KLHL1: variants seen among roughly 807,000 people sequenced by gnomAD.
The protein encoded by KLHL1 is kelch-like protein 1.
In KLHL1, 47 loss-of-function variants were observed where a neutral mutation model predicts 77.7. The ratio of observed to expected loss-of-function variants is 0.60; its 90% CI spans 0.48 to 0.77. The LOEUF (loss-of-function observed/expected upper bound fraction) is 0.77, where lower values mean the gene tolerates loss of function less well. Among genes scored for constraint, KLHL1 ranks in the 30% least tolerant of loss-of-function variants. KLHL1 has a pLI of 0.00. For missense variants in KLHL1, 925 were observed against 910.8 expected, an observed-to-expected ratio of 1.02 and a Z score of -0.20; for synonymous variants, 360 against 325.2, an observed-to-expected ratio of 1.11 and a Z score of -1.15.
chr13:69,771,170 T>G (rs192217372), intron 7 of KLHL1, among the ~76,000 whole-genome samples: 1 of 152,148 alleles, frequency 6.6e-6, no homozygotes, highest in East Asian at 1.9e-4. Context: ...TATCTTCACC[T>G]TAATCTGAGT....
intron 4 of KLHL1, among the ~76,000 whole-genome samples, chr13:69,916,411 TA>T (rs1279216465): frequency 6.6e-6 from 1 of 151,910 alleles, no homozygotes; most frequent in Non-Finnish European, 1.5e-5. Flanking sequence ...TATGCAGCCA[TA>T]AAAAATGATG....
intron 1 of KLHL1, among the ~76,000 whole-genome samples, chr13:70,030,714 G>A (rs1404038685): frequency 6.6e-6 from 1 of 152,086 alleles, no homozygotes; most frequent in Admixed American, 6.5e-5. Context: ...ACATTCAAAA[G>A]CTAGCAGAAG....
intron 4 of KLHL1, among the ~76,000 whole-genome samples, chr13:69,901,303 T>C (rs1009530409): frequency 6.6e-6 from 1 of 152,246 alleles, no homozygotes; most frequent in Non-Finnish European, 1.5e-5. Context: ...TAACTAATAT[T>C]TATTTTACTG....
In KLHL1 at chr13:69,789,008, T is replaced by G. The variant is rs543437848; in HGVS notation, c.1639+7730A>C. ...CAGGAGAAAAAGATAAACACTGGAC[T>G]CCACAGGACTCTATCTATCTATCTA... On this transcript the variant is annotated intron_variant, in intron 7 of 10. Coordinates refer to ENST00000377844, the MANE Select transcript of KLHL1 (RefSeq NM_020866.3). Among the ~76,000 whole-genome samples the G allele has an allele frequency of 1.7e-4, 25 of 147,800 alleles. No individual in the cohort carries two copies. In the South Asian group the frequency reaches 5.5e-3, roughly 32 times the overall value.
intron 2 of KLHL1, among the ~76,000 whole-genome samples, chr13:69,966,456 T>C (rs1249961683): frequency 1.3e-5 from 2 of 152,168 alleles, no homozygotes; most frequent in African/African-American, 2.4e-5. Context: ...TCATTGACAA[T>C]GTTCCTGGTT....
chr13:70,043,089 G>A (rs1886415229), intron 1 of KLHL1, among the ~76,000 whole-genome samples: 3 of 152,084 alleles, frequency 2.0e-5, no homozygotes, highest in Non-Finnish European at 4.4e-5. Flanking sequence ...ATATTTAGTG[G>A]AGACTGGGTT....
In KLHL1 at chr13:70,092,897, C is replaced by T. The variant is rs535303129; in HGVS notation, c.497+14306G>A. On this transcript the variant is annotated intron_variant, in intron 1 of 10. Coordinates refer to ENST00000377844, the MANE Select transcript of KLHL1 (RefSeq NM_020866.3). ...AGCTAGAATCTACAGTATTGAACAG[C>T]GCAGCCATGAAATAATTGCATCATC... Among the ~76,000 whole-genome samples, 23 of 151,984 alleles carry T rather than the reference C, an allele frequency of 1.5e-4. No homozygotes were observed. In the East Asian group the frequency reaches 3.3e-3, roughly 22 times the overall value.
At chr13:69,904,365 C>T (rs964445553) in intron 4 of KLHL1, among the ~76,000 whole-genome samples, 11 of 152,062 alleles carry the variant, frequency 7.2e-5, no homozygotes, top group African/African-American at 2.2e-4. Flanking sequence ...TGTATTTCAG[C>T]GAGATTTCTA....
intron 5 of KLHL1, among the ~76,000 whole-genome samples, chr13:69,852,401 T>C (rs140638749): frequency 9.5e-4 from 144 of 152,120 alleles, no homozygotes; most frequent in African/African-American, 3.3e-3. Flanking sequence ...AGGACAGCAA[T>C]TGAAGAGACA....
At chr13:69,775,949 G>C (rs577251494) in intron 7 of KLHL1, among the ~76,000 whole-genome samples, 12 of 151,852 alleles carry the variant, frequency 7.9e-5, no homozygotes, top group African/African-American at 2.9e-4. Context: ...TCAGGAGATC[G>C]AGAACATCCT....
chr13:69,969,351 A>G (rs1884313266), intron 2 of KLHL1, among the ~76,000 whole-genome samples: 1 of 152,082 alleles, frequency 6.6e-6, no homozygotes, highest in Non-Finnish European at 1.5e-5. Context: ...AACTTTTTAT[A>G]ATCTCAGAAT....
chr13:69,867,210 T>C (rs112827339), intron 5 of KLHL1, among the ~76,000 whole-genome samples: 14 of 152,252 alleles, frequency 9.2e-5, no homozygotes, highest in African/African-American at 3.4e-4. Context: ...TATAAAGTAT[T>C]TTAAGTATTT....
chr13:69,781,972 C>T (rs933584075), intron 7 of KLHL1, among the ~76,000 whole-genome samples: 2 of 152,042 alleles, frequency 1.3e-5, no homozygotes, highest in African/African-American at 4.8e-5. Flanking sequence ...AACTTTTATT[C>T]AATACTCAAT....
In KLHL1 at chr13:70,107,238, G is replaced by A; in HGVS notation, c.462C>T (p.Asn154=). 6.2e-7 allele frequency: 1 copy of A among 1,613,730 alleles called. No homozygotes were observed. The highest frequency in any genetic ancestry group is 8.5e-7 in the Non-Finnish European group (1 of 1,179,776). Residue 154 remains asparagine, a synonymous_variant, in exon 1 of 11, where the codon AAC becomes AAT. Coordinates refer to ENST00000377844, the MANE Select transcript of KLHL1 (RefSeq NM_020866.3). ...VLQELKVEPD[N]SSQATGEGCG... Reference sequence around the variant, plus strand: ...ATCCTTCACCTGTTGCCTGGCTAGAGTTGTCTGGCTCCACTTTGAGCTCTT... The same window carrying A: ...ATCCTTCACCTGTTGCCTGGCTAGAATTGTCTGGCTCCACTTTGAGCTCTT...
intron 1 of KLHL1, among the ~76,000 whole-genome samples, chr13:69,986,756 GT>G: frequency 6.6e-6 from 1 of 152,040 alleles, no homozygotes; most frequent in Middle Eastern, 3.4e-3. Flanking sequence ...TTAGAGATGA[GT>G]TAGTGTTGAG....
At chr13:69,757,439 A>G (rs1352579599) in intron 7 of KLHL1, among the ~76,000 whole-genome samples, 1 of 152,182 alleles carries the variant, frequency 6.6e-6, no homozygotes, top group Non-Finnish European at 1.5e-5. Flanking sequence ...TAAAAATTTA[A>G]CTCAAAGGTT....
At chr13:69,964,181 T>G in intron 2 of KLHL1, among the ~76,000 whole-genome samples, 1 of 152,216 alleles carries the variant, frequency 6.6e-6, no homozygotes, top group Middle Eastern at 3.4e-3. Flanking sequence ...ACAGCTAGGA[T>G]CACAAGTATA....
At chr13:70,056,229 T>C (rs1438602397) in intron 1 of KLHL1, among the ~76,000 whole-genome samples, 1 of 151,976 alleles carries the variant, frequency 6.6e-6, no homozygotes, top group Non-Finnish European at 1.5e-5. Context: ...ACAAAAGTGA[T>C]ACAAGGAGAA....
intron 5 of KLHL1, among the ~76,000 whole-genome samples, chr13:69,855,377 T>TAGAGATA (rs1879864598): frequency 8.7e-6 from 1 of 114,500 alleles, no homozygotes. Context: ...GAGAGATAGA[T>TAGAGATA]CTATAGATAG....
Sources: allele counts gnomAD v4.1 joint callset (sites outside exome capture counted in the v4.1 genomes callset), GRCh38; gene constraint gnomAD v4.1.1; transcripts MANE v1.5; gene names NCBI Gene and HGNC (gene_info 2026-07-23, HGNC 2026-07-21).